Variants in CMYA5 observed in about 807,000 individuals in gnomAD.
The protein encoded by CMYA5 is cardiomyopathy-associated protein 5.
Under a neutral mutation model 318.9 loss-of-function variants are expected in CMYA5, and 246 were observed. The observed-to-expected ratio is 0.77, with a 90% CI of 0.70 to 0.86. The LOEUF is 0.86. CMYA5 is among the 40% of genes least tolerant of loss of function. The pLI, the probability that CMYA5 is intolerant of heterozygous loss-of-function variation, is 0.00. For missense variants in CMYA5, 4,589 were observed against 4,678.2 expected (o/e 0.98, Z 0.56); for synonymous variants, 1,641 against 1,729.5 (o/e 0.95, Z 1.27).
chr5:79,745,180 T>A, intron 3 of CMYA5, 42 bp from the exon 4 acceptor site: 1 of 1,296,544 alleles, frequency 7.7e-7, no homozygotes, highest in Non-Finnish European at 1.1e-6. Flanking sequence ...CAGCATTTCT[T>A]GTTTCATTCA....
chr5:79,741,300 A>C (rs986518239), intron 2 of CMYA5, among the ~76,000 whole-genome samples: 5 of 152,230 alleles, frequency 3.3e-5, no homozygotes, highest in African/African-American at 1.2e-4. Context: ...ATGGAAGGCG[A>C]AACTGGGGCT....
intron 5 of CMYA5, among the ~76,000 whole-genome samples, chr5:79,751,413 C>T (rs1440926102): frequency 6.6e-6 from 1 of 152,300 alleles, no homozygotes; most frequent in South Asian, 2.1e-4. Flanking sequence ...GAAACTCCCA[C>T]TCATTAATAC....
At position 79,689,932 on chromosome 5, in the gene CMYA5, G is replaced by A. The variant is rs372215545; in HGVS notation, c.25G>A (p.Ala9Thr). The stretch of plus-strand genomic sequence containing the variant: ...GATGGCGAGCCGCGATAGCAACCAC[G>A]CTGGCGAGAGCTTTCTCGGCTCCGA... The part of the protein sequence containing the change: MASRDSNH[A>T]GESFLGSDGD... The change falls in exon 1 of 13, where the codon GCT (alanine) becomes ACT (threonine). Residue 9 changes from alanine (A) to threonine (T), a missense_variant. By Grantham distance (58) the Ala-to-Thr change is moderately conservative. This residue lies in a region of CMYA5 where 2,132 missense variants were observed against 2,131.3 expected (regional missense o/e 1.00). Coordinates refer to ENST00000446378, the MANE Select transcript of CMYA5 (RefSeq NM_153610.5). 1 of 966,856 alleles carries A rather than the reference G, an allele frequency of 1.0e-6. No homozygotes were observed. The highest frequency in any genetic ancestry group is 1.6e-6 in the Non-Finnish European group (1 of 619,922). The allele number at this position is 966,856 out of a possible 1,614,324, so 59.9% of individuals were successfully genotyped here. A position where few individuals can be genotyped will look rare whatever the true frequency, so the allele number is the denominator to read the frequency against.
At chr5:79,711,533 T>G (rs1476315662) in intron 1 of CMYA5, among the ~76,000 whole-genome samples, 1 of 152,200 alleles carries the variant, frequency 6.6e-6, no homozygotes, top group Non-Finnish European at 1.5e-5. Flanking sequence ...AAATGAATCT[T>G]TCAGGTCGCA....
At chr5:79,797,018 A>G (rs1023010260) in intron 12 of CMYA5, among the ~76,000 whole-genome samples, 3 of 152,238 alleles carry the variant, frequency 2.0e-5, no homozygotes, top group African/African-American at 7.2e-5. Context: ...TGCACAAAAC[A>G]TAAAAAATGC....
chr5:79,746,289 G>A (rs73125644), intron 4 of CMYA5, among the ~76,000 whole-genome samples: 9,541 of 152,172 alleles, frequency 0.063, 653 homozygotes, highest in African/African-American at 0.17. Flanking sequence ...AAGGCAAAAC[G>A]GAACAATGTT....
chr5:79,730,242 AT>A lies in CMYA5; in HGVS notation c.1480del (p.Ser494LeufsTer6), dbSNP rs762806552. 4 of 1,613,826 alleles carry A rather than the reference AT, an allele frequency of 2.5e-6. No individual in the cohort carries two copies. The African/African-American group carries it at 5.3e-5, about 22-fold the overall frequency. ...GGAGGAAAACATGCTTGAGCCATCC[AT>A]TTCTCTTTCTGAACCTCTAATGTTA... Reference protein sequence around the residue: ...EKEENMLEPSISLSEPLMLEE... With the variant: ...EKEENMLEPSXSLSEPLMLEE... On this transcript the variant is annotated frameshift_variant, in exon 2 of 13. Transcript: ENST00000446378. LOFTEE classifies it high-confidence loss of function.
In CMYA5 at chr5:79,724,514, G is replaced by A. The variant is rs148985511; in HGVS notation, c.150-4401G>A. Among the ~76,000 whole-genome samples the A allele has an allele frequency of 5.8e-3, 878 of 152,236 alleles. 8 individuals carry two copies. Among genetic ancestry groups the A allele is most frequent in the African/African-American group, 0.02 (813 of 41,540 alleles). On this transcript the variant is annotated intron_variant, in intron 1 of 12. Coordinates refer to ENST00000446378, the MANE Select transcript of CMYA5 (RefSeq NM_153610.5). The stretch of plus-strand genomic sequence containing the variant: ...GATCAGCTGAACCTTCTTGCTCAAC[G>A]CTGAAAGTGTGGAGGAAGTGAGCTT...
At chr5:79,699,005 A>C (rs965384606) in intron 1 of CMYA5, among the ~76,000 whole-genome samples, 7 of 152,128 alleles carry the variant, frequency 4.6e-5, no homozygotes, top group Non-Finnish European at 8.8e-5. Flanking sequence ...TAAACATACA[A>C]AAATTAGCTG....
At chr5:79,719,694 T>C (rs561188590) in intron 1 of CMYA5, among the ~76,000 whole-genome samples, 1 of 152,102 alleles carries the variant, frequency 6.6e-6, no homozygotes, top group South Asian at 2.1e-4. Flanking sequence ...TCAGGGAAAA[T>C]TCAGAAATGG....
At chr5:79,721,909 C>A (rs1827645779) in intron 1 of CMYA5, among the ~76,000 whole-genome samples, 1 of 152,100 alleles carries the variant, frequency 6.6e-6, no homozygotes, top group Non-Finnish European at 1.5e-5. Flanking sequence ...AGTGTTAGAA[C>A]AGGCAGACAA....
chr5:79,718,564 A>G (rs60434325), intron 1 of CMYA5, among the ~76,000 whole-genome samples: 1,757 of 152,268 alleles, frequency 0.012, 41 homozygotes, highest in African/African-American at 0.041. Flanking sequence ...TGCTTGAGAG[A>G]ATAAAGCATC....
In CMYA5 at chr5:79,799,473, A is replaced by G. The variant is rs773336113; in HGVS notation, c.12067A>G (p.Ile4023Val). 2.5e-6 allele frequency: 4 copies of G among 1,613,888 alleles called. No individual in the cohort carries two copies. The highest frequency in any genetic ancestry group is 1.3e-5 in the African/African-American group (1 of 74,918). ...CTACAACAACCAGAGACTTATCTTC[A>G]TCAACGCAGAGAGCGAGCAGTTGCT... is the stretch of plus-strand genomic sequence containing the variant. The part of the protein sequence containing the change: ...LDYNNQRLIF[I>V]NAESEQLLFI... Residue 4023 changes from isoleucine to valine, a missense_variant, in exon 13 of 13, where the codon ATC becomes GTC. Ile to Val is a conservative substitution (Grantham distance 29). Around this residue, in one of 3 missense-constraint regions of CMYA5, gnomAD observed 2,431 missense variants for 2,495.1 expected, o/e 0.97. Transcript: ENST00000446378.
chr5:79,694,916 G>C (rs1827037563), intron 1 of CMYA5, among the ~76,000 whole-genome samples: 1 of 152,194 alleles, frequency 6.6e-6, no homozygotes. Flanking sequence ...AGAGTCACTT[G>C]TAGCCAGAAA....
intron 1 of CMYA5, among the ~76,000 whole-genome samples, chr5:79,716,734 G>A (rs1372484314): frequency 6.6e-6 from 1 of 152,190 alleles, no homozygotes; most frequent in Non-Finnish European, 1.5e-5. Flanking sequence ...CACTGATTGT[G>A]TCTAGTGACG....
At chr5:79,693,336 A>ATTTTTTTTTTT (rs11319092) in intron 1 of CMYA5, among the ~76,000 whole-genome samples, 5 of 135,634 alleles carry the variant, frequency 3.7e-5, no homozygotes, top group African/African-American at 5.7e-5. Flanking sequence ...AAGTCACACA[A>ATTTTTTTTTTT]TTTTTTTTTT....
chr5:79,747,748 A>T (rs1196925967), intron 5 of CMYA5, among the ~76,000 whole-genome samples: 1 of 152,234 alleles, frequency 6.6e-6, no homozygotes, highest in Non-Finnish European at 1.5e-5. Flanking sequence ...TATTATAATT[A>T]TCCAACAGAT....
chr5:79,730,718 C>T lies in CMYA5; in HGVS notation c.1953C>T (p.Ser651=), dbSNP rs748282260. The stretch of plus-strand genomic sequence containing the variant: ...CAGCTGCAGCCCCTACATCTGAGAG[C>T]TCTCTCTCACCATCCACAACTGAGA... The part of the protein sequence containing the change: ...YSPAAAPTSE[S]SLSPSTTEKT... Residue 651 remains serine (S), a synonymous_variant, in exon 2 of 13, where the codon AGC becomes AGT. Coordinates refer to ENST00000446378, the MANE Select transcript of CMYA5 (RefSeq NM_153610.5). 2 of 1,613,802 alleles carry T rather than the reference C, an allele frequency of 1.2e-6. No homozygotes were observed. Among genetic ancestry groups the T allele is most frequent in the East Asian group, 2.2e-5 (1 of 44,866 alleles).
intron 1 of CMYA5, among the ~76,000 whole-genome samples, chr5:79,713,788 A>G (rs1169379716): frequency 6.6e-6 from 1 of 152,182 alleles, no homozygotes; most frequent in African/African-American, 2.4e-5. Flanking sequence ...CTTGGAATAA[A>G]TGGAGTTTAT....
Sources: allele counts gnomAD v4.1 joint callset (sites outside exome capture counted in the v4.1 genomes callset), GRCh38; gene constraint gnomAD v4.1.1; regional missense constraint gnomAD v4.1.1; transcripts MANE v1.5; gene names NCBI Gene and HGNC (gene_info 2026-07-23, HGNC 2026-07-21).